Variants in EPPK1 observed in about 807,000 individuals in gnomAD.
The protein encoded by EPPK1 is epiplakin.
For synonymous variants in EPPK1, 1,862 were observed against 1,721.2 expected, an observed-to-expected ratio of 1.08 and a Z score of -2.03; for missense variants, 3,823 against 3,673.3, an observed-to-expected ratio of 1.04 and a Z score of -1.05.
chr8:143,865,942 C>T lies in EPPK1; in HGVS notation c.7312G>A (p.Ala2438Thr). Reference sequence around the variant, plus strand: ...GCGCCCGAGCCTGGCGTCACGCGGGCGTCGCGCAGGGCACAGCGCAGCTCC... The same window carrying T: ...GCGCCCGAGCCTGGCGTCACGCGGGTGTCGCGCAGGGCACAGCGCAGCTCC... Reference protein sequence around the residue: ...SEELRCALRDARVTPGSGALQ... With the variant: ...SEELRCALRDTRVTPGSGALQ... Residue 2438 changes from alanine (A) to threonine (T), a missense_variant, in exon 2 of 2, where the codon GCC (alanine) becomes ACC (threonine). Ala to Thr is a moderately conservative substitution (Grantham distance 58, BLOSUM62 0). Coordinates refer to ENST00000615648, the MANE Select transcript of EPPK1 (RefSeq NM_031308.4). 1 of 48,292 alleles carries T rather than the reference C, an allele frequency of 2.1e-5. No homozygotes were observed. 3.0% of individuals were successfully genotyped at this position (48,292 alleles called of 1,614,324 possible).
At position 143,872,103 on chromosome 8, in the gene EPPK1, C is replaced by G; in HGVS notation, c.1151G>C (p.Gly384Ala). Reference sequence around the variant, plus strand: ...CAGTGCCAGTGGCCTGTCCACTAGCCCCTTCTTCATGGCCTGGAAAAGGGG... The same window carrying G: ...CAGTGCCAGTGGCCTGTCCACTAGCGCCTTCTTCATGGCCTGGAAAAGGGG... The part of the protein sequence containing the change: ...QIPLFQAMKK[G>A]LVDRPLALRL... Residue 384 changes from glycine (G) to alanine (A), a missense_variant, in exon 2 of 2, where the codon GGG (glycine) becomes GCG (alanine). Gly to Ala is a moderately conservative substitution (Grantham distance 60, BLOSUM62 0). Transcript: ENST00000615648. The G allele has an allele frequency of 6.4e-7, 1 of 1,559,868 alleles. No individual in the cohort carries two copies. The highest frequency in any genetic ancestry group is 8.7e-7 in the Non-Finnish European group (1 of 1,152,754).
chr8:143,872,668 C>G lies in EPPK1; in HGVS notation c.586G>C (p.Gly196Arg), dbSNP rs1819394634. The G allele has an allele frequency of 1.2e-6, 2 of 1,607,818 alleles. No homozygotes were observed. Among genetic ancestry groups the G allele is most frequent in the Non-Finnish European group, 1.7e-6 (2 of 1,178,516 alleles). ...HKLSELEPGT[G>R]DLRFLDPNTL... ...TTGGGGTCGAGGAAGCGCAGGTCAC[C>G]TGTGCCAGGCTCAAGCTCTGACAGC... The change falls in exon 2 of 2, where the codon GGT becomes CGT. Residue 196 changes from glycine (G) to arginine (R), a missense_variant. Transcript: ENST00000615648.
At position 143,869,208 on chromosome 8, in the gene EPPK1, T is replaced by C; in HGVS notation, c.4046A>G (p.Gln1349Arg). 1 of 1,610,370 alleles carries C rather than the reference T, an allele frequency of 6.2e-7. No individual in the cohort carries two copies. The highest frequency in any genetic ancestry group is 1.1e-5 in the South Asian group (1 of 91,072). The change falls in exon 2 of 2, where the codon CAG (glutamine) becomes CGG (arginine). Residue 1349 changes from glutamine to arginine, a missense_variant. Physicochemically the swap from Gln to Arg is conservative, Grantham distance 43 (BLOSUM62 1). Transcript: ENST00000615648. The stretch of plus-strand genomic sequence containing the variant: ...CTGCAGGAGGGGCAAGCCCTCGTTC[T>C]GTGGCACGAGCCCCTTCTCCATGGC... Reference protein sequence around the residue: ...WQAMEKGLVPQNEGLPLLQVQ... With the variant: ...WQAMEKGLVPRNEGLPLLQVQ...
intron 1 of EPPK1, among the ~76,000 whole-genome samples, chr8:143,874,905 C>G (rs552247968): frequency 1.4e-3 from 220 of 152,226 alleles, no homozygotes; most frequent in Admixed American, 2.4e-3. Flanking sequence ...CTTGAGGCAG[C>G]CACCACCCCC....
chr8:143,876,831 G>A (rs1285747328), intron 1 of EPPK1, among the ~76,000 whole-genome samples: 1 of 151,850 alleles, frequency 6.6e-6, no homozygotes, highest in Non-Finnish European at 1.5e-5. Flanking sequence ...AGGAGCACCT[G>A]ATTTCCCAGC....
Position 143,867,541 on chromosome 8 carries a change from G to A in EPPK1, c.5713C>T (p.Pro1905Ser). Residue 1905 changes from proline (P) to serine (S), a missense_variant, in exon 2 of 2, where the codon CCC becomes TCC. By Grantham distance (74) the Pro-to-Ser change is moderately conservative (BLOSUM62 -1). Coordinates refer to ENST00000615648, the MANE Select transcript of EPPK1 (RefSeq NM_031308.4). ...GSGCIAGVTV[P>S]STREVMSLHE... ...AGGCTCATGACCTCCCTGGTGGAGG[G>A]CACCGTGACCCCCGCAATGCAGCCG... The A allele has an allele frequency of 6.2e-7, 1 of 1,612,638 alleles. No homozygotes were observed. The highest frequency in any genetic ancestry group is 8.5e-7 in the Non-Finnish European group (1 of 1,179,802).
At position 143,868,370 on chromosome 8, in the gene EPPK1, C is replaced by G; in HGVS notation, c.4884G>C (p.Ala1628=). ...CTTTCCCGAACATTCCTGCTTTGAA[C>G]GCCTCCTCCACGGTCAGCTTCCGGT... ...VENRKLTVEE[A]FKAGMFGKET... is the part of the protein sequence containing the mutation. Residue 1628 remains alanine, a synonymous_variant, in exon 2 of 2, where the codon GCG becomes GCC. Coordinates refer to ENST00000615648, the MANE Select transcript of EPPK1 (RefSeq NM_031308.4). 1.2e-6 allele frequency: 2 copies of G among 1,612,798 alleles called. No homozygotes were observed. The highest frequency in any genetic ancestry group is 1.7e-6 in the Non-Finnish European group (2 of 1,179,910).
Position 143,867,254 on chromosome 8 carries a change from C to A in EPPK1, c.6000G>T (p.Lys2000Asn). The change falls in exon 2 of 2, where the codon AAG (lysine) becomes AAT (asparagine). Residue 2000 changes from lysine (K) to asparagine (N), a missense_variant. Lys to Asn is a moderately conservative substitution (Grantham distance 94). Transcript: ENST00000615648. ...CCTCCAGCAGCCTCAGTGCCTCCGC[C>A]TTCTCGATGAGCTGCTTCTGCATGG... ...FQAMQKQLIEKAEALRLLEVQ... is the reference protein window; with the variant it reads ...FQAMQKQLIENAEALRLLEVQ... The A allele has an allele frequency of 6.2e-7, 1 of 1,612,622 alleles. No individual in the cohort carries two copies. Among genetic ancestry groups the A allele is most frequent in the Non-Finnish European group, 8.5e-7 (1 of 1,179,728 alleles).
At position 143,871,508 on chromosome 8, in the gene EPPK1, C is replaced by T. The variant is rs782529015; in HGVS notation, c.1746G>A (p.Leu582=). 5.6e-6 allele frequency: 9 copies of T among 1,609,970 alleles called. No homozygotes were observed. Among genetic ancestry groups the T allele is most frequent in the Non-Finnish European group, 6.8e-6 (8 of 1,178,860 alleles). Residue 582 remains leucine (L), a synonymous_variant, in exon 2 of 2, where the codon CTG becomes CTA. Coordinates refer to ENST00000615648, the MANE Select transcript of EPPK1 (RefSeq NM_031308.4). The part of the protein sequence containing the change: ...LLKAEIIDQD[L]YERLEHGQAT... ...CCTGTCCATGCTCCAGCCGCTCGTACAGGTCCTGGTCGATGATCTCGGCTT... is the reference window on the plus strand; with the variant it reads ...CCTGTCCATGCTCCAGCCGCTCGTATAGGTCCTGGTCGATGATCTCGGCTT...
In EPPK1 at chr8:143,866,354, C is replaced by A; in HGVS notation, c.6900G>T (p.Leu2300=). The part of the protein sequence containing the change: ...GVVGGEIQEK[L]LSAERAVTGY... Reference sequence around the variant, plus strand: ...CGGTGACGGCGCGCTCGGCCGACAGCAGCTTCTCCTGGATCTCGCCGCCCA... The same window carrying A: ...CGGTGACGGCGCGCTCGGCCGACAGAAGCTTCTCCTGGATCTCGCCGCCCA... Residue 2300 remains leucine (L), a synonymous_variant, in exon 2 of 2, where the codon CTG becomes CTT. Transcript: ENST00000615648. 1 of 707,590 alleles carries A rather than the reference C, an allele frequency of 1.4e-6. No individual in the cohort carries two copies. Among genetic ancestry groups the A allele is most frequent in the Non-Finnish European group, 2.2e-6 (1 of 459,232 alleles). 43.8% of individuals were successfully genotyped at this position (707,590 alleles called of 1,614,324 possible). A position where few individuals can be genotyped will look rare whatever the true frequency, so the allele number is the denominator to read the frequency against.
chr8:143,868,613 C>T lies in EPPK1; in HGVS notation c.4641G>A (p.Leu1547=), dbSNP rs545364230. 8 of 1,599,422 alleles carry T rather than the reference C, an allele frequency of 5.0e-6. No homozygotes were observed. Among genetic ancestry groups the T allele is most frequent in the Non-Finnish European group, 6.8e-6 (8 of 1,173,836 alleles). ...CCTTCACAGTCGTTGTCCCCTGGCTCAGCTCGTCCAGCGTCTTCCTGCTGA... is the reference window on the plus strand; with the variant it reads ...CCTTCACAGTCGTTGTCCCCTGGCTTAGCTCGTCCAGCGTCTTCCTGCTGA... ...QLISRKTLDE[L]SQGTTTVKEV... is the part of the protein sequence containing the mutation. Residue 1547 remains leucine, a synonymous_variant, in exon 2 of 2, where the codon CTG becomes CTA. Transcript: ENST00000615648.
chr8:143,867,274 G>C lies in EPPK1; in HGVS notation c.5980C>G (p.Gln1994Glu). The change falls in exon 2 of 2, where the codon CAG becomes GAG. Residue 1994 changes from glutamine (Q) to glutamate (E), a missense_variant. Coordinates refer to ENST00000615648, the MANE Select transcript of EPPK1 (RefSeq NM_031308.4). Reference protein sequence around the residue: ...GDTIPLFQAMQKQLIEKAEAL... With the variant: ...GDTIPLFQAMEKQLIEKAEAL... The stretch of plus-strand genomic sequence containing the variant: ...TCCGCCTTCTCGATGAGCTGCTTCT[G>C]CATGGCCTGGAACAGCGGGATCGTG... The C allele has an allele frequency of 6.2e-7, 1 of 1,612,386 alleles. No individual in the cohort carries two copies.
In EPPK1 at chr8:143,870,736, CAG is replaced by C; in HGVS notation, c.2516_2517del (p.Ser839Ter). 6.2e-7 allele frequency: 1 copy of C among 1,612,430 alleles called. No homozygotes were observed. Reference protein sequence around the residue: ...QRVSAWELINSEYFSEGRRRQ... With the variant: ...QRVSAWELINXEYFSEGRRRQ... ...CTCCTGCGGCCCTCGCTGAAGTACT[CAG>C]AGTTGATCAGCTCCCACGCGGAGAC... On this transcript the variant is annotated frameshift_variant, in exon 2 of 2. Coordinates refer to ENST00000615648, the MANE Select transcript of EPPK1 (RefSeq NM_031308.4). LOFTEE classifies it low-confidence loss of function (END_TRUNC). The surrounding 1 kb of genome is among the most constrained non-coding windows in gnomAD (Gnocchi z 5.2).
At position 143,870,518 on chromosome 8, in the gene EPPK1, G is replaced by A. The variant is rs1464380620; in HGVS notation, c.2736C>T (p.Ser912=). 1 of 1,609,156 alleles carries A rather than the reference G, an allele frequency of 6.2e-7. No homozygotes were observed. Among genetic ancestry groups the A allele is most frequent in the African/African-American group, 1.3e-5 (1 of 74,864 alleles). The change falls in exon 2 of 2, where the codon AGC becomes AGT. Residue 912 remains serine (S), a synonymous_variant. Coordinates refer to ENST00000615648, the MANE Select transcript of EPPK1 (RefSeq NM_031308.4). The surrounding 1 kb of genome is among the most constrained non-coding windows in gnomAD (Gnocchi z 5.2). ...CGTCCATGAGTAGGAGGGCCTCCGG[G>A]CTGATTGTCCCGGCCAGCACTTGGT... is the stretch of plus-strand genomic sequence containing the variant. ...LLDQVLAGTI[S]PEALLLMDGV...
chr8:143,866,429 G>C lies in EPPK1; in HGVS notation c.6825C>G (p.Pro2275=), dbSNP rs1407740107. ...AQAATGFVID[P]VRNLRLSVEE... is the part of the protein sequence containing the mutation. ...CCACCGACAGCCTCAGGTTGCGCAC[G>C]GGGTCGATGACGAAGCCGGTGGCCG... Residue 2275 remains proline (P), a synonymous_variant, in exon 2 of 2, where the codon CCC becomes CCG. Coordinates refer to ENST00000615648, the MANE Select transcript of EPPK1 (RefSeq NM_031308.4). 8 of 1,276,052 alleles carry C rather than the reference G, an allele frequency of 6.3e-6. No homozygotes were observed. Among genetic ancestry groups the C allele is most frequent in the Admixed American group, 2.5e-5 (1 of 39,410 alleles). The allele number at this position is 1,276,052 out of a possible 1,614,324, so 79.0% of individuals were successfully genotyped here. A position where few individuals can be genotyped will look rare whatever the true frequency, so the allele number is the denominator to read the frequency against.
chr8:143,878,400 A>ACCCGCCGCC (rs1819527725), intron 1 of EPPK1, 38 bp downstream of exon 1: 4 of 43,616 alleles, frequency 9.2e-5, no homozygotes, highest in African/African-American at 1.3e-4. Flanking sequence ...ACCTGCCCGC[A>ACCCGCCGCC]CCCGCCGCAC....
rs1554661698 is a variant in EPPK1 at position 143,872,768 on chromosome 8, G to A, written c.486C>T (p.Asp162=). 1.3e-6 allele frequency: 2 copies of A among 1,583,756 alleles called. No homozygotes were observed. Among genetic ancestry groups the A allele is most frequent in the African/African-American group, 1.3e-5 (1 of 74,456 alleles). The change falls in exon 2 of 2, where the codon GAC becomes GAT. Residue 162 remains aspartate (D), a synonymous_variant. Transcript: ENST00000615648. ...GGGCCACGAGCACTCCCTGGGCGGG[G>A]TCCACCAGGCCCCCAGTGGCCAGTT... The part of the protein sequence containing the change: ...EVQLATGGLV[D]PAQGVLVAPE...
rs782364626 is a variant in EPPK1, at chr8:143,867,210, C to A, written c.6044G>T (p.Gly2015Val). 6.3e-5 allele frequency: 102 copies of A among 1,612,388 alleles called. No individual in the cohort carries two copies. Among genetic ancestry groups the A allele is most frequent in the East Asian group, 1.1e-4 (5 of 44,900 alleles). Residue 2015 changes from glycine (G) to valine (V), a missense_variant, in exon 2 of 2, where the codon GGT becomes GTT. Gly to Val is a moderately radical substitution (Grantham distance 109, BLOSUM62 -3). Transcript: ENST00000615648. ...RLLEVQVATG[G>V]VIDPQHHHRL... is the part of the protein sequence containing the mutation. ...GTGGTGGTGCTGTGGGTCGATGACACCCCCCGTGGCCACCTGCACCTCCAG... is the reference window on the plus strand; with the variant it reads ...GTGGTGGTGCTGTGGGTCGATGACAACCCCCGTGGCCACCTGCACCTCCAG...
rs782375447 is a variant in EPPK1, at chr8:143,869,639, A to AGC, written c.3613_3614dup (p.Val1206LeufsTer34). 1.9e-6 allele frequency: 3 copies of AGC among 1,586,746 alleles called. No individual in the cohort carries two copies. The highest frequency in any genetic ancestry group is 2.7e-5 in the African/African-American group (2 of 74,434). On this transcript the variant is annotated frameshift_variant, in exon 2 of 2. Transcript: ENST00000615648. LOFTEE classifies it low-confidence loss of function (END_TRUNC). ...TGATGCCAGCATCCAGCAGCCAGAC[A>AGC]GCGGGTACCTCACCCCGTGGGCCGG...
Sources: allele counts gnomAD v4.1 joint callset (sites outside exome capture counted in the v4.1 genomes callset), GRCh38; gene constraint gnomAD v4.1.1; non-coding constraint Gnocchi (gnomAD v3.1); transcripts MANE v1.5; gene names NCBI Gene and HGNC (gene_info 2026-07-23, HGNC 2026-07-21).